The following RBFOX1 variants were observed in gnomAD, a reference collection of about 807,000 sequenced individuals.
RBFOX1 encodes the protein RNA binding fox-1 homolog 1.
RBFOX1 carries 8 observed loss-of-function variants against 57.7 expected under a neutral mutation model. That is an observed-to-expected ratio of 0.14 (90% CI 0.08 to 0.25). RBFOX1 has a LOEUF of 0.25. RBFOX1 is among the 10% of genes least tolerant of loss of function. The pLI is 1.00. For synonymous variants in RBFOX1, 326 were observed against 222.4 expected (o/e 1.47, Z -4.15); for missense variants, 611 against 548.5 (o/e 1.11, Z -1.14).
At chr16:6,652,260 C>T (rs1270214943) in intron 2 of RBFOX1, among the ~76,000 whole-genome samples, 1 of 152,054 alleles carries the variant, frequency 6.6e-6, no homozygotes, top group African/African-American at 2.4e-5. Context: ...AGCATCCTGG[C>T]CAATATGGTG....
At chr16:5,308,752 CA>C (rs76468169) in intron 1 of RBFOX1, among the ~76,000 whole-genome samples, 87,375 of 151,606 alleles carry the variant, frequency 0.58, 27,453 homozygotes, top group East Asian at 0.73. Context: ...CTATGTGTTA[CA>C]TTTTTTTTCA....
intron 2 of RBFOX1, among the ~76,000 whole-genome samples, chr16:6,413,757 TA>T (rs2093541126): frequency 6.6e-6 from 1 of 152,164 alleles, no homozygotes; most frequent in African/African-American, 2.4e-5. Context: ...CTTAATTAAC[TA>T]AGAATCAGGT....
intron 3 of RBFOX1, among the ~76,000 whole-genome samples, chr16:5,755,031 C>T (rs1490614011): frequency 3.9e-5 from 1 of 25,888 alleles, no homozygotes; most frequent in Non-Finnish European, 7.8e-5. Context: ...CAATACCTGG[C>T]TTTCCTAGGC....
chr16:6,910,236 C>G (rs146757879), intron 3 of RBFOX1, among the ~76,000 whole-genome samples: 3 of 152,074 alleles, frequency 2.0e-5, no homozygotes, highest in Non-Finnish European at 4.4e-5. Flanking sequence ...GAGATGATTA[C>G]TTCACATTTG....
At chr16:5,944,982 AAAAAAAG>A (rs1464881964) in intron 4 of RBFOX1, among the ~76,000 whole-genome samples, 1 of 135,754 alleles carries the variant, frequency 7.4e-6, no homozygotes, top group East Asian at 2.0e-4. Flanking sequence ...AAAAAAAAAA[AAAAAAAG>A]AGAGAGAGAG....
At chr16:7,215,615 C>T (rs7197129) in intron 4 of RBFOX1, among the ~76,000 whole-genome samples, 78,386 of 151,950 alleles carry the variant, frequency 0.52, 20,974 homozygotes, top group East Asian at 0.88. Context: ...TTTACACCAT[C>T]TTTATAACCC....
rs149359895 is a variant in RBFOX1 at position 5,788,360 on chromosome 16, G to A, written c.319-78943G>A. On this transcript the variant is annotated intron_variant, in intron 3 of 19. Coordinates refer to the RBFOX1 transcript ENST00000641259. ...AGGAACACTTGTGGCTGGGCGTGGT[G>A]GCTCACACCTGTAATCCCAGCACAT... Among the ~76,000 whole-genome samples the A allele has an allele frequency of 8.0e-4, 122 of 152,288 alleles. 2 individuals carry two copies. The highest frequency in any genetic ancestry group is 2.8e-3 in the African/African-American group (115 of 41,564).
chr16:7,465,782 A>G (rs991027487), intron 4 of RBFOX1, among the ~76,000 whole-genome samples: 1 of 152,180 alleles, frequency 6.6e-6, no homozygotes, highest in Admixed American at 6.5e-5. Flanking sequence ...AACCCCAGGA[A>G]TATGCATTTA....
intron 2 of RBFOX1, among the ~76,000 whole-genome samples, chr16:5,487,641 A>C (rs1304134756): frequency 6.6e-6 from 1 of 152,226 alleles, no homozygotes; most frequent in African/African-American, 2.4e-5. Context: ...TTGAGACCAC[A>C]GAAGATGAAA....
intron 3 of RBFOX1, among the ~76,000 whole-genome samples, chr16:7,012,486 G>C (rs888305774): frequency 1.3e-5 from 2 of 152,148 alleles, no homozygotes; most frequent in Admixed American, 6.5e-5. Flanking sequence ...CATTTCCCAA[G>C]CCATGTTAAT....
chr16:5,890,214 C>G (rs2058013858), intron 4 of RBFOX1, among the ~76,000 whole-genome samples: 1 of 152,158 alleles, frequency 6.6e-6, no homozygotes, highest in Admixed American at 6.5e-5. Context: ...GCCTCTTGTC[C>G]TCACCTATGA....
chr16:5,393,487 G>T (rs960515217), intron 1 of RBFOX1, among the ~76,000 whole-genome samples: 2 of 152,142 alleles, frequency 1.3e-5, no homozygotes, highest in Admixed American at 6.5e-5. Flanking sequence ...GAGTGGGTAG[G>T]GAACTGGTGA....
intron 4 of RBFOX1, among the ~76,000 whole-genome samples, chr16:7,098,336 A>G (rs1270610899): frequency 6.6e-6 from 1 of 152,054 alleles, no homozygotes; most frequent in African/African-American, 2.4e-5. Context: ...TGCCTGGCTA[A>G]TTTTTATATT....
At chr16:6,654,508 T>C (rs1338496780) in intron 2 of RBFOX1, 95 bp from the exon 3 acceptor site, 3 of 970,350 alleles carry the variant, frequency 3.1e-6, no homozygotes, top group Non-Finnish European at 4.5e-6. Context: ...TTTATTATTT[T>C]AAAGGGCATT....
At chr16:6,260,828 G>A (rs1398332833) in intron 1 of RBFOX1, among the ~76,000 whole-genome samples, 2 of 151,978 alleles carry the variant, frequency 1.3e-5, no homozygotes, top group African/African-American at 4.8e-5. Flanking sequence ...TTGCAGTTAG[G>A]TGAGATTGTA....
At chr16:7,416,694 T>C (rs188715104) in intron 4 of RBFOX1, among the ~76,000 whole-genome samples, 24 of 151,840 alleles carry the variant, frequency 1.6e-4, no homozygotes, top group African/African-American at 5.6e-4. Context: ...TCTGAGAAAA[T>C]ATTAATGAGT....
chr16:6,313,105 A>G (rs999339422), intron 1 of RBFOX1, among the ~76,000 whole-genome samples: 2 of 152,154 alleles, frequency 1.3e-5, no homozygotes, highest in African/African-American at 4.8e-5. Flanking sequence ...ATAGCATGCC[A>G]GGCATCCCTG....
At chr16:7,346,441 C>T (rs369401477) in intron 4 of RBFOX1, among the ~76,000 whole-genome samples, 8 of 152,116 alleles carry the variant, frequency 5.3e-5, no homozygotes, top group East Asian at 1.9e-4. Flanking sequence ...GGAATGGACA[C>T]GACACGCGTT....
chr16:7,037,535 T>G (rs2044869864), intron 3 of RBFOX1, among the ~76,000 whole-genome samples: 1 of 152,140 alleles, frequency 6.6e-6, no homozygotes, highest in Non-Finnish European at 1.5e-5. Context: ...ACTGTCAACT[T>G]ATGAAAAGAA....
Sources: gnomAD v4.1 joint callset for allele counts (sites outside exome capture counted in the v4.1 genomes callset) on GRCh38, gnomAD v4.1.1 for gene constraint, MANE v1.5 for transcripts, NCBI Gene and HGNC (gene_info 2026-07-23, HGNC 2026-07-21) for gene names.